The following VXN variants were observed in gnomAD, a reference collection of about 807,000 sequenced individuals.
VXN encodes vexin.
In VXN, 7 loss-of-function variants were observed where a neutral mutation model predicts 23.1. The observed-to-expected ratio is 0.30, with a 90% CI of 0.17 to 0.57. The LOEUF is 0.57. Ranked by LOEUF, VXN falls within the 20% of genes least tolerant of loss-of-function variation. The probability of loss-of-function intolerance (pLI) is 0.91; values close to 1 mark genes in which losing one functional copy is unlikely to be tolerated. For missense variants in VXN, 238 were observed against 272.6 expected (o/e 0.87, Z 0.89); for synonymous variants, 120 against 105.8 (o/e 1.13, Z -0.83).
intron 4 of VXN, among the ~76,000 whole-genome samples, chr8:66,512,350 G>A (rs1383004947): frequency 6.6e-6 from 1 of 152,222 alleles, no homozygotes; most frequent in Non-Finnish European, 1.5e-5. Flanking sequence ...GGAAGCGTTT[G>A]CACGGACCAC....
At chr8:66,505,768 C>T (rs926433502) in intron 3 of VXN, among the ~76,000 whole-genome samples, 1 of 152,190 alleles carries the variant, frequency 6.6e-6, no homozygotes, top group Non-Finnish European at 1.5e-5. Flanking sequence ...CCTAGGTTTG[C>T]GTAATGAGCA....
At chr8:66,497,221 G>A (rs1807637254) in intron 2 of VXN, among the ~76,000 whole-genome samples, 1 of 152,098 alleles carries the variant, frequency 6.6e-6, no homozygotes, top group Admixed American at 6.5e-5. Flanking sequence ...CAGAGCATAG[G>A]CCTCAAAGTA....
chr8:66,513,498 G>T, intron 4 of VXN, 42 bp from the exon 5 acceptor site: 1 of 1,534,940 alleles, frequency 6.5e-7, no homozygotes, highest in South Asian at 1.1e-5. Flanking sequence ...AGAGTGGGAA[G>T]GCAGATGCAT....
chr8:66,503,612 T>A (rs1807714971), intron 2 of VXN: 1 of 152,200 alleles, frequency 6.6e-6, no homozygotes, highest in Non-Finnish European at 1.5e-5. Flanking sequence ...GAAAGGAAAA[T>A]TCCAGCATTC....
chr8:66,509,176 T>C lies in VXN; in HGVS notation c.281-920T>C, dbSNP rs1269817392. On this transcript the variant is annotated intron_variant, in intron 3 of 5. Transcript: ENST00000305454. ...CTTGTAATACTTTATTTTATTTGCATTGAGGTGTTTTCTTGTGGAAGGGGA... is the reference window on the plus strand; with the variant it reads ...CTTGTAATACTTTATTTTATTTGCACTGAGGTGTTTTCTTGTGGAAGGGGA... Among the ~76,000 whole-genome samples, 4 of 152,320 alleles carry C rather than the reference T, an allele frequency of 2.6e-5. No homozygotes were observed. The East Asian group carries it at 7.7e-4, about 29-fold the overall frequency.
chr8:66,503,632 C>G (rs933750275), intron 2 of VXN: 5 of 152,276 alleles, frequency 3.3e-5, no homozygotes, highest in African/African-American at 9.6e-5. Flanking sequence ...CAACCCTTCT[C>G]TCTCCTCCTC....
chr8:66,512,661 C>G (rs1488051661), intron 4 of VXN, among the ~76,000 whole-genome samples: 3 of 152,152 alleles, frequency 2.0e-5, no homozygotes, highest in Non-Finnish European at 4.4e-5. Context: ...CCCTGTTACC[C>G]ACATAGACAC....
At position 66,516,022 on chromosome 8, in the gene VXN, CAAG is replaced by C. The variant is rs1807885833; in HGVS notation, c.577_579del (p.Lys193del). Reference sequence around the variant, plus strand: ...TCCTCCGGAAAATGTGGACAAGGCACAAGAAGAAGTCTGAATATGTGGGAGCCA... The same window carrying C: ...TCCTCCGGAAAATGTGGACAAGGCACAAGAAGTCTGAATATGTGGGAGCCA... On this transcript the variant is annotated inframe_deletion, in exon 6 of 6. Coordinates refer to ENST00000305454, the MANE Select transcript of VXN (RefSeq NM_152765.4). The C allele has an allele frequency of 1.2e-6, 2 of 1,613,644 alleles. No homozygotes were observed. The highest frequency in any genetic ancestry group is 1.7e-6 in the Non-Finnish European group (2 of 1,179,958).
At chr8:66,512,887 GTAGA>G (rs958591863) in intron 4 of VXN, among the ~76,000 whole-genome samples, 22 of 152,330 alleles carry the variant, frequency 1.4e-4, no homozygotes, top group African/African-American at 5.0e-4. Flanking sequence ...GCCGAGCTGC[GTAGA>G]TAGAGGGCGT....
intron 2 of VXN, among the ~76,000 whole-genome samples, chr8:66,498,085 T>TTCC (rs1807646253): frequency 6.6e-6 from 1 of 151,856 alleles, no homozygotes; most frequent in Non-Finnish European, 1.5e-5. Flanking sequence ...GGAGAATCGC[T>TTCC]TGAACCTGAG....
At chr8:66,505,178 T>C (rs1039619300) in intron 2 of VXN, 197 bp from the exon 3 acceptor site, 1 of 779,954 alleles carries the variant, frequency 1.3e-6, no homozygotes, top group Admixed American at 2.0e-5. Flanking sequence ...TTTGGCAGTC[T>C]GAAGTCAAAT....
intron 4 of VXN, among the ~76,000 whole-genome samples, chr8:66,511,312 G>T (rs571826393): frequency 3.9e-5 from 6 of 152,340 alleles, no homozygotes; most frequent in African/African-American, 1.4e-4. Context: ...AGATCCATAG[G>T]TGGTGCAATG....
intron 2 of VXN, among the ~76,000 whole-genome samples, chr8:66,504,589 CA>C (rs1171888049): frequency 6.6e-6 from 1 of 151,884 alleles, no homozygotes; most frequent in Non-Finnish European, 1.5e-5. Context: ...CAATTTTTTC[CA>C]AAAAAATACC....
rs947252739 is a variant in VXN, at chr8:66,517,747, A to T, written c.*1671A>T. 6.6e-6 allele frequency: 1 copy of T among 152,212 alleles called. No homozygotes were observed. The highest frequency in any genetic ancestry group is 1.9e-4 in the East Asian group (1 of 5,200). The allele number at this position is 152,212 out of a possible 1,614,324, so 9.4% of individuals were successfully genotyped here. A position where few individuals can be genotyped will look rare whatever the true frequency, so the allele number is the denominator to read the frequency against. ...TCTAGCCCACTTAATAAAACCAGAG[A>T]TCCTATGGGAAATTTAGCCTAAGAC... On this transcript the variant is annotated 3_prime_UTR_variant, in exon 6 of 6. Coordinates refer to ENST00000305454, the MANE Select transcript of VXN (RefSeq NM_152765.4).
At chr8:66,494,043 CTAGA>C (rs1173248347) in intron 1 of VXN, among the ~76,000 whole-genome samples, 2 of 152,132 alleles carry the variant, frequency 1.3e-5, no homozygotes, top group African/African-American at 4.8e-5. Flanking sequence ...CCCAGGGTAG[CTAGA>C]TAGAGACTTT....
At chr8:66,497,110 C>A (rs1807636066) in intron 2 of VXN, among the ~76,000 whole-genome samples, 1 of 152,196 alleles carries the variant, frequency 6.6e-6, no homozygotes, top group South Asian at 2.1e-4. Context: ...GTCTCGATCT[C>A]CTGACCTCAT....
chr8:66,512,540 C>T (rs1807836700), intron 4 of VXN, among the ~76,000 whole-genome samples: 1 of 152,190 alleles, frequency 6.6e-6, no homozygotes, highest in African/African-American at 2.4e-5. Flanking sequence ...AGCCTCTGGA[C>T]TTAGCCCTGT....
At chr8:66,497,376 T>C (rs1807638370) in intron 2 of VXN, among the ~76,000 whole-genome samples, 1 of 152,254 alleles carries the variant, frequency 6.6e-6, no homozygotes. Context: ...TACAGTTTTG[T>C]CACATACTGT....
In VXN at chr8:66,512,881, AGC is replaced by A. The variant is rs527239461; in HGVS notation, c.343-658_343-657del. 2.0e-5 allele frequency among the ~76,000 whole-genome samples: 3 copies of A among 152,182 alleles called. No individual in the cohort carries two copies. The South Asian group carries it at 6.2e-4, about 31-fold the overall frequency. On this transcript the variant is annotated intron_variant, in intron 4 of 5. Transcript: ENST00000305454. ...GACACACGGGACCAATGGGAGGCCG[AGC>A]TGCGTAGATAGAGGGCGTCCTGTGC...
Sources: allele counts gnomAD v4.1 joint callset (sites outside exome capture counted in the v4.1 genomes callset), GRCh38; gene constraint gnomAD v4.1.1; transcripts MANE v1.5; gene names NCBI Gene and HGNC (gene_info 2026-07-23, HGNC 2026-07-21).